NEK10: variants seen among roughly 807,000 people sequenced by gnomAD.
The protein encoded by NEK10 is NIMA related kinase 10, also known as serine/threonine-protein kinase Nek10.
A neutral mutation model predicts 159.8 loss-of-function variants in NEK10; 122 were observed. The observed-to-expected ratio is 0.76, with a 90% CI of 0.66 to 0.89. NEK10 has a LOEUF of 0.89. NEK10 is among the 40% of genes least tolerant of loss of function. The pLI, the probability that NEK10 is intolerant of heterozygous loss-of-function variation, is 0.00. For missense variants in NEK10, 1,342 were observed against 1,323.1 expected, an observed-to-expected ratio of 1.01 and a Z score of -0.22; for synonymous variants, 466 against 457.1, an observed-to-expected ratio of 1.02 and a Z score of -0.25.
intron 30 of NEK10, among the ~76,000 whole-genome samples, chr3:27,146,952 C>T (rs553833041): frequency 2.6e-5 from 4 of 152,286 alleles, no homozygotes; most frequent in Admixed American, 2.6e-4. Context: ...AGTATGTATA[C>T]AGCTGGAGAG....
chr3:27,222,122 C>T (rs992064804), intron 23 of NEK10, among the ~76,000 whole-genome samples: 2 of 152,112 alleles, frequency 1.3e-5, no homozygotes, highest in African/African-American at 4.8e-5. Context: ...CCTGTAATCC[C>T]AGCAATTTGG....
At chr3:27,208,577 T>A (rs891621266) in intron 23 of NEK10, among the ~76,000 whole-genome samples, 1 of 152,092 alleles carries the variant, frequency 6.6e-6, no homozygotes, top group South Asian at 2.1e-4. Context: ...GACTTCAGAA[T>A]TGATTGGATG....
chr3:27,369,327 G>C lies in NEK10; in HGVS notation c.-140C>G, dbSNP rs1158595798. The stretch of plus-strand genomic sequence containing the variant: ...CGGGGGTCCCGTCCAGTCTCAGCCC[G>C]TCCCGTCCTCCCCCCAGCCTATTCC... On this transcript the variant is annotated 5_prime_UTR_variant, in exon 1 of 36. Transcript: ENST00000691995. The surrounding 1 kb of genome is among the most constrained non-coding windows in gnomAD (Gnocchi z 4.2). The C allele has an allele frequency of 6.5e-6, 1 of 152,898 alleles. No homozygotes were observed. Among genetic ancestry groups the C allele is most frequent in the Non-Finnish European group, 1.5e-5 (1 of 68,768 alleles). The allele number at this position is 152,898 out of a possible 1,614,324, so 9.5% of individuals were successfully genotyped here. A position where few individuals can be genotyped will look rare whatever the true frequency, so the allele number is the denominator to read the frequency against.
chr3:27,263,287 C>T (rs1187436853), intron 22 of NEK10, among the ~76,000 whole-genome samples: 4 of 152,224 alleles, frequency 2.6e-5, no homozygotes, highest in African/African-American at 7.2e-5. Context: ...AGGAGACAGT[C>T]TGTCCGTTCT....
intron 22 of NEK10, among the ~76,000 whole-genome samples, chr3:27,275,028 G>A (rs577872515): frequency 2.0e-5 from 3 of 152,020 alleles, no homozygotes; most frequent in South Asian, 2.1e-4. Context: ...CTTAGTCTTC[G>A]GTGTTTTTAT....
chr3:27,279,028 T>A, intron 22 of NEK10: 1 of 544,370 alleles, frequency 1.8e-6, no homozygotes, highest in Non-Finnish European at 2.3e-6. Context: ...AATGGAAATA[T>A]ATTTAGACTT....
At chr3:27,335,199 G>A (rs2046709101) in intron 5 of NEK10, among the ~76,000 whole-genome samples, 1 of 152,024 alleles carries the variant, frequency 6.6e-6, no homozygotes, top group African/African-American at 2.4e-5. Flanking sequence ...AATTAGCTAG[G>A]CTTGGTGGCA....
At chr3:27,301,566 T>C (rs1319333077) in intron 13 of NEK10, 130 bp downstream of exon 13, 7 of 668,758 alleles carry the variant, frequency 1.0e-5, no homozygotes, top group Non-Finnish European at 1.8e-5. Context: ...CTGGCATCCA[T>C]GTGGATTTCA....
chr3:27,157,530 T>C (rs1691569816), intron 30 of NEK10, among the ~76,000 whole-genome samples: 1 of 152,198 alleles, frequency 6.6e-6, no homozygotes, highest in South Asian at 2.1e-4. Flanking sequence ...CTTGAATGGA[T>C]GAGCAGTTGC....
chr3:27,259,640 A>G (rs1236018185), intron 22 of NEK10, among the ~76,000 whole-genome samples: 1 of 152,186 alleles, frequency 6.6e-6, no homozygotes, highest in Non-Finnish European at 1.5e-5. Flanking sequence ...TATAGTTTGA[A>G]GTCAGGTAGA....
chr3:27,152,191 A>G (rs185244862), intron 30 of NEK10, among the ~76,000 whole-genome samples: 5 of 152,330 alleles, frequency 3.3e-5, no homozygotes, highest in African/African-American at 7.2e-5. Context: ...GCACATTGTC[A>G]TCTGTTATCC....
At chr3:27,255,697 T>C (rs2149320786) in intron 23 of NEK10, among the ~76,000 whole-genome samples, 1 of 152,294 alleles carries the variant, frequency 6.6e-6, no homozygotes, top group Non-Finnish European at 1.5e-5. Context: ...CCCCAAAGTA[T>C]GCCAAAGAAT....
chr3:27,367,406 C>T (rs1196676831), intron 1 of NEK10: 3 of 152,172 alleles, frequency 2.0e-5, no homozygotes, highest in Non-Finnish European at 4.4e-5. Flanking sequence ...ATAACAGCTA[C>T]CGTGATAATG....
chr3:27,267,047 T>C (rs2040954874), intron 22 of NEK10, among the ~76,000 whole-genome samples: 1 of 152,192 alleles, frequency 6.6e-6, no homozygotes, highest in Admixed American at 6.5e-5. Context: ...ACCGGCATTC[T>C]AGCCAGGCTC....
chr3:27,217,550 T>G (rs969737918), intron 23 of NEK10, among the ~76,000 whole-genome samples: 7 of 152,112 alleles, frequency 4.6e-5, no homozygotes, highest in Admixed American at 1.3e-4. Flanking sequence ...CCCAATCACC[T>G]CCTACCAGGC....
At chr3:27,278,209 G>A (rs957426887) in intron 22 of NEK10, among the ~76,000 whole-genome samples, 3 of 152,204 alleles carry the variant, frequency 2.0e-5, no homozygotes, top group Admixed American at 2.0e-4. Flanking sequence ...GTTTTAAGCT[G>A]TTGAGAATTT....
intron 20 of NEK10, among the ~76,000 whole-genome samples, 178 bp from the exon 21 acceptor site, chr3:27,285,139 G>T (rs187157145): frequency 6.6e-6 from 1 of 152,254 alleles, no homozygotes; most frequent in African/African-American, 2.4e-5. Context: ...AGGTGAGGGG[G>T]TCTTAGGGAA....
chr3:27,329,608 A>G (rs1240043790), intron 5 of NEK10, among the ~76,000 whole-genome samples: 1 of 152,202 alleles, frequency 6.6e-6, no homozygotes, highest in Non-Finnish European at 1.5e-5. Context: ...AGGTAGGAAC[A>G]TTTTCACTTC....
At chr3:27,127,181 C>T (rs374656974) in intron 32 of NEK10, among the ~76,000 whole-genome samples, 6 of 152,128 alleles carry the variant, frequency 3.9e-5, no homozygotes, top group African/African-American at 1.4e-4. Flanking sequence ...CCTTGTCTCA[C>T]TCTCAAGAAT....
Sources: allele counts gnomAD v4.1 joint callset (sites outside exome capture counted in the v4.1 genomes callset), GRCh38; gene constraint gnomAD v4.1.1; non-coding constraint Gnocchi (gnomAD v3.1); transcripts MANE v1.5; gene names NCBI Gene and HGNC (gene_info 2026-07-23, HGNC 2026-07-21).